LRP5: variants seen among roughly 807,000 people sequenced by gnomAD.
LRP5 encodes LDL receptor related protein 5, also known as low-density lipoprotein receptor-related protein 5.
In LRP5, 62 loss-of-function variants were observed where a neutral mutation model predicts 154.1. The observed-to-expected ratio is 0.40, with a 90% CI of 0.33 to 0.50. The LOEUF (loss-of-function observed/expected upper bound fraction) is 0.50. Among genes scored for constraint, LRP5 ranks in the 20% least tolerant of loss-of-function variants. The pLI, the probability that LRP5 is intolerant of heterozygous loss-of-function variation, is 0.55. For missense variants in LRP5, 1,915 were observed against 2,336.7 expected (o/e 0.82, Z 3.72); for synonymous variants, 966 against 1,011.5 (o/e 0.96, Z 0.85).
chr11:68,399,007 G>A (rs928930904), intron 7 of LRP5, among the ~76,000 whole-genome samples: 10 of 152,114 alleles, frequency 6.6e-5, no homozygotes, highest in Non-Finnish European at 1.2e-4. Flanking sequence ...TCGAGCCACG[G>A]AGCCCAGCCT....
chr11:68,411,648 C>T (rs747038141), intron 11 of LRP5, 28 bp downstream of exon 11: 8 of 1,593,948 alleles, frequency 5.0e-6, no homozygotes. Flanking sequence ...GCCTTCTGGT[C>T]ATGGAGGGCG....
chr11:68,327,336 G>T (rs529276290), intron 1 of LRP5, among the ~76,000 whole-genome samples: 1 of 152,200 alleles, frequency 6.6e-6, no homozygotes, highest in African/African-American at 2.4e-5. Flanking sequence ...GGGAGGCCAC[G>T]GTCATGAGGG....
chr11:68,327,873 G>A (rs1251872450), intron 1 of LRP5, among the ~76,000 whole-genome samples: 3 of 152,196 alleles, frequency 2.0e-5, no homozygotes. Context: ...TGGTGGAAGA[G>A]TTCACCCAGG....
chr11:68,383,255 C>T (rs888915892), intron 5 of LRP5, among the ~76,000 whole-genome samples: 3 of 152,222 alleles, frequency 2.0e-5, no homozygotes, highest in East Asian at 3.9e-4. Flanking sequence ...GATCAAGTGC[C>T]GGTTTCTGTC....
intron 7 of LRP5, among the ~76,000 whole-genome samples, 198 bp downstream of exon 7, chr11:68,390,250 G>C (rs1380992903): frequency 6.6e-6 from 1 of 152,234 alleles, no homozygotes; most frequent in Non-Finnish European, 1.5e-5. Context: ...CTGTGGTTAC[G>C]TAAGATGTTA....
chr11:68,378,747 G>A (rs531303954), intron 5 of LRP5, among the ~76,000 whole-genome samples: 13 of 152,094 alleles, frequency 8.5e-5, no homozygotes, highest in East Asian at 3.9e-4. Context: ...GATCAAAATC[G>A]ACTTTTAGGG....
At position 68,423,825 on chromosome 11, in the gene LRP5, G is replaced by T; in HGVS notation, c.3236+128G>T. The T allele has an allele frequency of 1.1e-6, 1 of 891,524 alleles. No homozygotes were observed. The highest frequency in any genetic ancestry group is 2.6e-5 in the East Asian group (1 of 38,066). 55.2% of individuals were successfully genotyped at this position (891,524 alleles called of 1,614,324 possible). ...TGGGGATCCAATGGGTGGCTTTCCA[G>T]GGTCCCAAAAGCAAACACAGGCTCT... is the stretch of plus-strand genomic sequence containing the variant. On this transcript the variant is annotated intron_variant, in intron 14 of 22. Transcript: ENST00000294304. This position sits in a 1 kb window ranked among gnomAD's most constrained non-coding sequence, Gnocchi z 4.7.
chr11:68,404,692 G>A (rs571710363), intron 8 of LRP5, among the ~76,000 whole-genome samples: 161 of 152,254 alleles, frequency 1.1e-3, no homozygotes, highest in Middle Eastern at 0.01. Context: ...TGGGGCCGGG[G>A]CAGTGCAGTG....
chr11:68,345,189 A>G (rs545762179), intron 1 of LRP5, among the ~76,000 whole-genome samples: 1 of 151,436 alleles, frequency 6.6e-6, no homozygotes, highest in Non-Finnish European at 1.5e-5. Flanking sequence ...TTGAGACTGA[A>G]TAGTACTCCA....
chr11:68,444,793 G>A (rs937638628), intron 21 of LRP5, among the ~76,000 whole-genome samples: 1 of 152,138 alleles, frequency 6.6e-6, no homozygotes, highest in African/African-American at 2.4e-5. Context: ...CCCATAGGCT[G>A]GGGCTTGGGC....
At chr11:68,322,283 A>G (rs2098597195) in intron 1 of LRP5, among the ~76,000 whole-genome samples, 1 of 152,126 alleles carries the variant, frequency 6.6e-6, no homozygotes, top group Non-Finnish European at 1.5e-5. Flanking sequence ...GGCTTTACCT[A>G]CAGGCCCTGC....
At chr11:68,363,671 A>G (rs1591228591) in intron 3 of LRP5, 76 bp from the exon 4 acceptor site, 1 of 1,209,784 alleles carries the variant, frequency 8.3e-7, no homozygotes, top group Non-Finnish European at 1.2e-6. Flanking sequence ...AAAAAAAAAG[A>G]AATTAATTGG....
chr11:68,319,059 T>C (rs538518509), intron 1 of LRP5, among the ~76,000 whole-genome samples: 1 of 148,556 alleles, frequency 6.7e-6, no homozygotes, highest in African/African-American at 2.5e-5. Context: ...CACCCCACCG[T>C]GCCTGGCTCC....
At chr11:68,382,101 T>C (rs1193856445) in intron 5 of LRP5, among the ~76,000 whole-genome samples, 2 of 152,164 alleles carry the variant, frequency 1.3e-5, no homozygotes, top group Non-Finnish European at 2.9e-5. Flanking sequence ...CTCAAAAACC[T>C]CAGAGGCCTT....
At chr11:68,438,215 G>A (rs947122196) in intron 19 of LRP5, among the ~76,000 whole-genome samples, 6 of 152,240 alleles carry the variant, frequency 3.9e-5, no homozygotes, top group South Asian at 2.1e-4. Context: ...GTGGGGAGTC[G>A]GACAGCGGCG....
Position 68,447,387 on chromosome 11 carries a change from G to A in LRP5, c.4586+854G>A, listed in dbSNP as rs1356903799. Among the ~76,000 whole-genome samples the A allele has an allele frequency of 6.6e-6, 1 of 152,140 alleles. No homozygotes were observed. The highest frequency in any genetic ancestry group is 2.4e-5 in the African/African-American group (1 of 41,430). On this transcript the variant is annotated intron_variant, in intron 22 of 22. Coordinates refer to ENST00000294304, the MANE Select transcript of LRP5 (RefSeq NM_002335.4). The surrounding 1 kb of genome is among the most constrained non-coding windows in gnomAD (Gnocchi z 4.3). The stretch of plus-strand genomic sequence containing the variant: ...AGCAGGGCCTCCCGAGTGTGGTGCC[G>A]CCTGCCACCTAGTGGCCATTTCCAC...
chr11:68,320,436 CT>C (rs1425955654), intron 1 of LRP5, among the ~76,000 whole-genome samples: 2 of 150,444 alleles, frequency 1.3e-5, no homozygotes, highest in Non-Finnish European at 3.0e-5. Context: ...TTGTCTTTTT[CT>C]TTTCTTTTTT....
chr11:68,435,900 A>G (rs1428806582), intron 18 of LRP5, among the ~76,000 whole-genome samples: 2 of 151,890 alleles, frequency 1.3e-5, no homozygotes, highest in Non-Finnish European at 2.9e-5. Context: ...TAATTTTTGT[A>G]TTTTCAATAG....
chr11:68,397,972 TTGTG>T lies in LRP5; in HGVS notation c.1585-5477_1585-5474del, dbSNP rs113280059. Among the ~76,000 whole-genome samples, 586 of 142,184 alleles carry T rather than the reference TTGTG, an allele frequency of 4.1e-3. 3 individuals carry two copies. The highest frequency in any genetic ancestry group is 0.011 in the African/African-American group (421 of 38,712). The allele number at this position is 142,184 out of a possible 152,430, so 93.3% of individuals were successfully genotyped here. On this transcript the variant is annotated intron_variant, in intron 7 of 22. Coordinates refer to ENST00000294304, the MANE Select transcript of LRP5 (RefSeq NM_002335.4). ...TTTGGCACTGCAGAGCTGTGTGTGT[TTGTG>T]TGTGTGTGTGTGTGTGTGTGTGTGT...
Sources: allele counts gnomAD v4.1 joint callset (sites outside exome capture counted in the v4.1 genomes callset), GRCh38; gene constraint gnomAD v4.1.1; non-coding constraint Gnocchi (gnomAD v3.1); transcripts MANE v1.5; gene names NCBI Gene and HGNC (gene_info 2026-07-23, HGNC 2026-07-21).